Variants in NXN observed in about 807,000 individuals in gnomAD.
NXN encodes nucleoredoxin 1.
In NXN, 16 loss-of-function variants were observed where a neutral mutation model predicts 48.6. The ratio of observed to expected loss-of-function variants is 0.33; its 90% CI spans 0.22 to 0.50. The LOEUF is 0.50. NXN is among the 20% of genes least tolerant of loss of function. The pLI, the probability that NXN is intolerant of heterozygous loss-of-function variation, is 0.98. For missense variants in NXN, 492 were observed against 605.5 expected (o/e 0.81, Z 1.97); for synonymous variants, 281 against 269.6 (o/e 1.04, Z -0.41).
chr17:917,774 C>T lies in NXN; in HGVS notation c.360+61545G>A, dbSNP rs2068703432. Among the ~76,000 whole-genome samples, 1 of 152,154 alleles carries T rather than the reference C, an allele frequency of 6.6e-6. No individual in the cohort carries two copies. Among genetic ancestry groups the T allele is most frequent in the African/African-American group, 2.4e-5 (1 of 41,436 alleles). The stretch of plus-strand genomic sequence containing the variant: ...TGGCACAACAGGCGGGCGTGGCTCT[C>T]GCTCCCCAGGAAGGCCTCGCAGAGG... On this transcript the variant is annotated intron_variant, in intron 1 of 7. Transcript: ENST00000336868. This position sits in a 1 kb window ranked among gnomAD's most constrained non-coding sequence, Gnocchi z 4.5.
At chr17:913,896 A>ATTTATT (rs781022855) in intron 1 of NXN, among the ~76,000 whole-genome samples, 14 of 152,144 alleles carry the variant, frequency 9.2e-5, no homozygotes, top group African/African-American at 2.9e-4. Context: ...TTATTTTATT[A>ATTTATT]TTTATTTTTA....
At chr17:807,502 C>T (rs935786558) in intron 5 of NXN, among the ~76,000 whole-genome samples, 2 of 152,200 alleles carry the variant, frequency 1.3e-5, no homozygotes, top group African/African-American at 4.8e-5. Context: ...TCCAAGCGGC[C>T]TTTTTCCTGA....
chr17:866,364 C>T (rs2068095627), intron 1 of NXN, among the ~76,000 whole-genome samples: 1 of 152,136 alleles, frequency 6.6e-6, no homozygotes, highest in Non-Finnish European at 1.5e-5. Context: ...AGGAGGATCA[C>T]CTGCACTGAA....
At chr17:806,783 G>A (rs1458953218) in intron 5 of NXN, among the ~76,000 whole-genome samples, 4 of 152,130 alleles carry the variant, frequency 2.6e-5, no homozygotes, top group Non-Finnish European at 5.9e-5. Flanking sequence ...CCAGCACCGC[G>A]GGCGTGCCTG....
At chr17:802,519 C>T (rs1911260117) in intron 7 of NXN, among the ~76,000 whole-genome samples, 1 of 152,242 alleles carries the variant, frequency 6.6e-6, no homozygotes, top group South Asian at 2.1e-4. Context: ...CCAGACTTGA[C>T]ACCTCTCAAG....
At chr17:815,585 G>A (rs1052593385) in intron 5 of NXN, among the ~76,000 whole-genome samples, 3 of 143,358 alleles carry the variant, frequency 2.1e-5, no homozygotes, top group Admixed American at 7.1e-5. Context: ...ACTTCCATCC[G>A]TATGATGAGG....
chr17:967,855 C>T (rs1264421520), intron 1 of NXN, among the ~76,000 whole-genome samples: 5 of 151,982 alleles, frequency 3.3e-5, no homozygotes, highest in Admixed American at 1.3e-4. Flanking sequence ...ACCTGTAGTC[C>T]CAGCTACTTG....
intron 1 of NXN, among the ~76,000 whole-genome samples, chr17:896,275 G>A (rs1305251171): frequency 2.0e-5 from 3 of 151,634 alleles, no homozygotes; most frequent in Admixed American, 1.3e-4. Flanking sequence ...AGGAGGCAGA[G>A]GTTGCAGTGA....
chr17:859,196 G>T (rs2068017316), intron 1 of NXN, among the ~76,000 whole-genome samples: 1 of 152,160 alleles, frequency 6.6e-6, no homozygotes, highest in Non-Finnish European at 1.5e-5. Context: ...GGCCTTCTCA[G>T]TCTGAGCCCA....
At chr17:893,455 T>G (rs2068445197) in intron 1 of NXN, among the ~76,000 whole-genome samples, 1 of 152,214 alleles carries the variant, frequency 6.6e-6, no homozygotes, top group African/African-American at 2.4e-5. Flanking sequence ...TTTCAAAAAT[T>G]ATCTCCATCG....
At position 799,655 on chromosome 17, in the gene NXN, CAAGT is replaced by C. The variant is rs974293370; in HGVS notation, c.*1290_*1293del. 2 of 152,202 alleles carry C rather than the reference CAAGT, an allele frequency of 1.3e-5. No homozygotes were observed. Among genetic ancestry groups the C allele is most frequent in the Non-Finnish European group, 2.9e-5 (2 of 68,082 alleles). The allele number at this position is 152,202 out of a possible 1,614,324, so 9.4% of individuals were successfully genotyped here. A position where few individuals can be genotyped will look rare whatever the true frequency, so the allele number is the denominator to read the frequency against. The stretch of plus-strand genomic sequence containing the variant: ...TTCTCTTTCGGGGGTCAGGTCAGCC[CAAGT>C]AAGAGGCCAACAACCTACCTGGGCC... On this transcript the variant is annotated 3_prime_UTR_variant, in exon 8 of 8. Transcript: ENST00000336868.
chr17:875,416 T>C (rs937740381), intron 1 of NXN, among the ~76,000 whole-genome samples: 1 of 152,146 alleles, frequency 6.6e-6, no homozygotes, highest in African/African-American at 2.4e-5. Flanking sequence ...AACAGACTCA[T>C]AGAGATAAGC....
chr17:945,175 G>A (rs12947776), intron 1 of NXN, among the ~76,000 whole-genome samples: 101,673 of 151,154 alleles, frequency 0.67, 34,873 homozygotes, highest in Middle Eastern at 0.78. Context: ...TCCGCCTCCC[G>A]GGTTCAAGCA....
intron 1 of NXN, among the ~76,000 whole-genome samples, chr17:908,540 GA>G (rs1461884815): frequency 6.6e-6 from 1 of 151,660 alleles, no homozygotes; most frequent in Non-Finnish European, 1.5e-5. Context: ...TGTCTCAAAG[GA>G]AACAAAACAA....
intron 1 of NXN, among the ~76,000 whole-genome samples, chr17:971,612 C>T (rs890725032): frequency 8.6e-5 from 13 of 151,138 alleles, no homozygotes; most frequent in South Asian, 2.1e-4. Context: ...CGGGAGGCTG[C>T]GGCAGGAGAA....
intron 1 of NXN, among the ~76,000 whole-genome samples, chr17:890,223 G>T (rs1162954649): frequency 6.6e-6 from 1 of 151,948 alleles, no homozygotes. Flanking sequence ...TGTTCTCGAT[G>T]ATCCTTTTCC....
At chr17:965,916 A>G (rs1443747323) in intron 1 of NXN, among the ~76,000 whole-genome samples, 1 of 152,006 alleles carries the variant, frequency 6.6e-6, no homozygotes, top group East Asian at 1.9e-4. Flanking sequence ...GGAGTTCGAG[A>G]CCAGCCTGAC....
At chr17:823,139 T>C (rs1376829874) in intron 3 of NXN, among the ~76,000 whole-genome samples, 1 of 141,616 alleles carries the variant, frequency 7.1e-6, no homozygotes, top group Non-Finnish European at 1.5e-5. Context: ...TGGTTCATGC[T>C]TGTAATCCCA....
chr17:820,939 A>C lies in NXN; in HGVS notation c.714-1394T>G, dbSNP rs1597628524. 3.0e-5 allele frequency among the ~76,000 whole-genome samples: 2 copies of C among 67,692 alleles called. 1 individual carries two copies. The allele number at this position is 67,692 out of a possible 152,430, so 44.4% of individuals were successfully genotyped here. ...ACTCCACCTAAAAAAAAAAAAAAAA[A>C]CAAAAAAAAAAACTGACTGCTGCAC... On this transcript the variant is annotated intron_variant, in intron 4 of 7. Coordinates refer to ENST00000336868, the MANE Select transcript of NXN (RefSeq NM_022463.5).
Sources: gnomAD v4.1 joint callset for allele counts (sites outside exome capture counted in the v4.1 genomes callset) on GRCh38, gnomAD v4.1.1 for gene constraint, Gnocchi (gnomAD v3.1) non-coding constraint, MANE v1.5 for transcripts, NCBI Gene and HGNC (gene_info 2026-07-23, HGNC 2026-07-21) for gene names.